KCNH1: variants seen among roughly 807,000 people sequenced by gnomAD.
KCNH1 encodes the protein potassium voltage-gated channel subfamily H member 1.
KCNH1 carries 27 observed loss-of-function variants against 69.2 expected under a neutral mutation model. The ratio of observed to expected loss-of-function variants is 0.39; its 90% confidence interval spans 0.29 to 0.54. KCNH1 has a LOEUF of 0.54. Among genes scored for constraint, KCNH1 ranks in the 20% least tolerant of loss-of-function variants. The pLI, the probability that KCNH1 is intolerant of heterozygous loss-of-function variation, is 0.68. For synonymous variants in KCNH1, 456 were observed against 487.7 expected, an observed-to-expected ratio of 0.93 and a Z score of 0.86; for missense variants, 798 against 1,261.6, an observed-to-expected ratio of 0.63 and a Z score of 5.57.
At chr1:210,769,939 G>A (rs1031788806) in intron 10 of KCNH1, among the ~76,000 whole-genome samples, 1 of 152,138 alleles carries the variant, frequency 6.6e-6, no homozygotes, top group Non-Finnish European at 1.5e-5. Context: ...GTATTGAGTG[G>A]TTCCTGCAGG....
intron 1 of KCNH1, among the ~76,000 whole-genome samples, chr1:211,113,429 T>G (rs189384896): frequency 1.3e-5 from 2 of 152,342 alleles, no homozygotes; most frequent in Admixed American, 6.5e-5. Flanking sequence ...GTCCCACTTC[T>G]AAATGCTTGG....
intron 5 of KCNH1, among the ~76,000 whole-genome samples, chr1:211,052,930 T>C (rs946854854): frequency 1.3e-5 from 2 of 152,238 alleles, no homozygotes; most frequent in African/African-American, 4.8e-5. Context: ...ATCCTACAGA[T>C]GGATGGCTGA....
chr1:210,912,296 C>T (rs1009907035), intron 7 of KCNH1, among the ~76,000 whole-genome samples: 1 of 152,134 alleles, frequency 6.6e-6, no homozygotes, highest in African/African-American at 2.4e-5. Context: ...AAGATCCTGC[C>T]AGTCAAGCCT....
Position 210,684,052 on chromosome 1 carries a change from C to G in KCNH1, c.2199G>C (p.Pro733=), listed in dbSNP as rs756120939. 6.5e-7 allele frequency: 1 copy of G among 1,546,030 alleles called. No individual in the cohort carries two copies. Among genetic ancestry groups the G allele is most frequent in the Middle Eastern group, 1.7e-4 (1 of 5,734 alleles). Residue 733 remains proline (P), a synonymous_variant, in exon 11 of 11, where the codon CCG becomes CCC. Transcript: ENST00000271751. ...RKNEAPLILP[P]DHPVRRLFQR... ...GGAAGAGGCGCCGGACAGGGTGGTC[C>G]GGGGGCAAGATCAGGGGGGCCTCAT...
intron 2 of KCNH1, among the ~76,000 whole-genome samples, chr1:211,106,894 A>G (rs1691357346): frequency 6.6e-6 from 1 of 152,228 alleles, no homozygotes; most frequent in African/African-American, 2.4e-5. Context: ...ATTTTCAAAA[A>G]TGGTTTTAAT....
rs1681186015 is a variant in KCNH1, at chr1:210,678,390, AT to A, written c.*4890del. On this transcript the variant is annotated 3_prime_UTR_variant, in exon 11 of 11. Coordinates refer to ENST00000271751, the MANE Select transcript of KCNH1 (RefSeq NM_172362.3). ...AAATATCATTTGTGCTTGTTTAAAA[AT>A]GTTGAGAAGGGAATATCATCAATGG... 1 of 152,202 alleles carries A rather than the reference AT, an allele frequency of 6.6e-6. No homozygotes were observed. The highest frequency in any genetic ancestry group is 1.5e-5 in the Non-Finnish European group (1 of 68,032). The allele number at this position is 152,202 out of a possible 1,614,324, so 9.4% of individuals were successfully genotyped here. A position where few individuals can be genotyped will look rare whatever the true frequency, so the allele number is the denominator to read the frequency against.
intron 10 of KCNH1, among the ~76,000 whole-genome samples, chr1:210,760,922 A>G (rs1683502909): frequency 1.3e-5 from 2 of 152,188 alleles, no homozygotes; most frequent in African/African-American, 4.8e-5. Context: ...GTGAGAACAC[A>G]GTCAAATCAT....
chr1:211,044,174 T>C (rs1171813413), intron 5 of KCNH1, among the ~76,000 whole-genome samples: 2 of 152,174 alleles, frequency 1.3e-5, no homozygotes, highest in African/African-American at 4.8e-5. Context: ...GATGATATGA[T>C]TGTATACCTA....
intron 10 of KCNH1, among the ~76,000 whole-genome samples, chr1:210,737,929 A>C (rs1348058342): frequency 1.3e-5 from 2 of 152,216 alleles, no homozygotes. Flanking sequence ...TTTATCTTTC[A>C]AAATTTAAAA....
At chr1:210,899,126 C>A (rs1217039583) in intron 7 of KCNH1, among the ~76,000 whole-genome samples, 1 of 152,156 alleles carries the variant, frequency 6.6e-6, no homozygotes, top group African/African-American at 2.4e-5. Flanking sequence ...CCCTGAGACC[C>A]TTTCAGGGGT....
chr1:210,924,509 T>C (rs1320361567), intron 6 of KCNH1, among the ~76,000 whole-genome samples: 1 of 152,268 alleles, frequency 6.6e-6, no homozygotes, highest in African/African-American at 2.4e-5. Flanking sequence ...TCTAGTTGTC[T>C]AATGCATTTT....
intron 5 of KCNH1, among the ~76,000 whole-genome samples, chr1:211,060,014 T>A (rs1690401635): frequency 6.6e-6 from 1 of 152,098 alleles, no homozygotes; most frequent in African/African-American, 2.4e-5. Flanking sequence ...GTTCAAAAAA[T>A]TTAAATTATA....
At chr1:210,851,883 T>C (rs1685715493) in intron 7 of KCNH1, among the ~76,000 whole-genome samples, 1 of 152,252 alleles carries the variant, frequency 6.6e-6, no homozygotes, top group Non-Finnish European at 1.5e-5. Flanking sequence ...TGAAATGTTA[T>C]GTGGCACATG....
At chr1:210,991,635 AACACATAC>A (rs1688939252) in intron 6 of KCNH1, among the ~76,000 whole-genome samples, 3 of 149,180 alleles carry the variant, frequency 2.0e-5, no homozygotes, top group South Asian at 2.1e-4. Flanking sequence ...ACACACACAT[AACACATAC>A]ACACATACAC....
Position 210,843,335 on chromosome 1 carries a change from G to A in KCNH1, c.1463-39169C>T, listed in dbSNP as rs527881325. On this transcript the variant is annotated intron_variant, in intron 7 of 10. Transcript: ENST00000271751. ...ATGCTGAGCAATCACCCAGAAAATA[G>A]CCCCCCTGGAATATCCTATTGTATA... is the stretch of plus-strand genomic sequence containing the variant. Among the ~76,000 whole-genome samples the A allele has an allele frequency of 4.6e-5, 7 of 152,196 alleles. No individual in the cohort carries two copies. In the South Asian group the frequency reaches 1.5e-3, roughly 32 times the overall value.
chr1:210,724,692 G>A (rs1312329714), intron 10 of KCNH1, among the ~76,000 whole-genome samples: 1 of 152,126 alleles, frequency 6.6e-6, no homozygotes, highest in Admixed American at 6.5e-5. Flanking sequence ...GTGCTTGAGG[G>A]TTCAGTTGTA....
chr1:210,875,484 T>A (rs1420166404), intron 7 of KCNH1, among the ~76,000 whole-genome samples: 1 of 152,196 alleles, frequency 6.6e-6, no homozygotes, highest in Non-Finnish European at 1.5e-5. Context: ...AACTTGCTGG[T>A]TATAAATCTA....
At chr1:210,743,286 T>C (rs562529433) in intron 10 of KCNH1, among the ~76,000 whole-genome samples, 3 of 152,198 alleles carry the variant, frequency 2.0e-5, no homozygotes, top group East Asian at 3.9e-4. Context: ...CCGAGTGTCC[T>C]GAAAGAGGCC....
At chr1:210,984,570 T>C (rs1688790538) in intron 6 of KCNH1, among the ~76,000 whole-genome samples, 1 of 152,224 alleles carries the variant, frequency 6.6e-6, no homozygotes, top group Admixed American at 6.5e-5. Flanking sequence ...ATATGCTGGA[T>C]TACGTTTTTT....
Sources: gnomAD v4.1 joint callset for allele counts (sites outside exome capture counted in the v4.1 genomes callset) on GRCh38, gnomAD v4.1.1 for gene constraint, MANE v1.5 for transcripts, NCBI Gene and HGNC (gene_info 2026-07-23, HGNC 2026-07-21) for gene names.